ANKRD33B: variants seen among roughly 807,000 people sequenced by gnomAD.
ANKRD33B encodes ankyrin repeat domain-containing protein 33B.
In ANKRD33B, 6 loss-of-function variants were observed where a neutral mutation model predicts 21.5. The ratio of observed to expected loss-of-function variants is 0.28; its 90% confidence interval spans 0.15 to 0.55. The LOEUF (loss-of-function observed/expected upper bound fraction) is 0.55, where lower values mean the gene tolerates loss of function less well. Ranked by LOEUF, ANKRD33B falls within the 20% of genes least tolerant of loss-of-function variation. The probability of loss-of-function intolerance (pLI) is 0.94; values close to 1 mark genes in which losing one functional copy is unlikely to be tolerated. For missense variants in ANKRD33B, 698 were observed against 747.2 expected (o/e 0.93, Z 0.77); for synonymous variants, 347 against 342.4 (o/e 1.01, Z -0.15).
At chr5:10,645,070 C>T (rs1294327141) in intron 3 of ANKRD33B, among the ~76,000 whole-genome samples, 2 of 152,238 alleles carry the variant, frequency 1.3e-5, no homozygotes, top group Admixed American at 1.3e-4. Context: ...ACTTTGAGCA[C>T]ACTTCCCACC....
chr5:10,649,333 C>A lies in ANKRD33B; in HGVS notation c.705C>A (p.Gly235=). The change falls in exon 4 of 4, where the codon GGC becomes GGA. Residue 235 remains glycine, a synonymous_variant. Transcript: ENST00000296657. The part of the protein sequence containing the change: ...MSPQEWATYT[G]RVDAVRLMQR... ...CGCAGGAGTGGGCCACTTACACGGG[C>A]CGCGTGGATGCCGTCCGTCTCATGC... 1 of 1,534,820 alleles carries A rather than the reference C, an allele frequency of 6.5e-7. No homozygotes were observed. The highest frequency in any genetic ancestry group is 8.7e-7 in the Non-Finnish European group (1 of 1,146,596).
At chr5:10,637,589 C>A (rs1392104385) in intron 2 of ANKRD33B, among the ~76,000 whole-genome samples, 2 of 152,098 alleles carry the variant, frequency 1.3e-5, no homozygotes, top group East Asian at 3.9e-4. Flanking sequence ...TTCCTCCCTG[C>A]AGCTCTGGAG....
At chr5:10,624,130 C>CTTTT (rs60575071) in intron 2 of ANKRD33B, among the ~76,000 whole-genome samples, 6 of 134,310 alleles carry the variant, frequency 4.5e-5, no homozygotes, top group Non-Finnish European at 6.4e-5. Flanking sequence ...TCTTTCTTTT[C>CTTTT]TTTTTTTTTT....
At chr5:10,566,322 T>C (rs1393845499) in intron 1 of ANKRD33B, among the ~76,000 whole-genome samples, 1 of 152,192 alleles carries the variant, frequency 6.6e-6, no homozygotes, top group Admixed American at 6.5e-5. Flanking sequence ...GATTAGGGCT[T>C]GGAGCTCCAC....
chr5:10,580,722 C>A (rs973957708), intron 1 of ANKRD33B, among the ~76,000 whole-genome samples: 1 of 151,844 alleles, frequency 6.6e-6, no homozygotes, highest in Non-Finnish European at 1.5e-5. Flanking sequence ...GGGAGGGACT[C>A]GGGAGTGGAG....
chr5:10,647,869 C>T (rs959944861), intron 3 of ANKRD33B, among the ~76,000 whole-genome samples: 2 of 152,224 alleles, frequency 1.3e-5, no homozygotes, highest in African/African-American at 4.8e-5. Context: ...ATCTCCTTGA[C>T]TTAGAGTCAA....
chr5:10,618,920 T>C (rs1351153949), intron 2 of ANKRD33B, among the ~76,000 whole-genome samples: 1 of 152,168 alleles, frequency 6.6e-6, no homozygotes, highest in Non-Finnish European at 1.5e-5. Context: ...TTCTGAGAGC[T>C]GTTAGAGTAT....
chr5:10,641,914 C>G (rs1737072044), intron 3 of ANKRD33B, among the ~76,000 whole-genome samples: 2 of 152,186 alleles, frequency 1.3e-5, no homozygotes, highest in Non-Finnish European at 2.9e-5. Flanking sequence ...TCGGCCCTGC[C>G]TGCCCTCATC....
At chr5:10,590,589 TGCGC>T (rs34685376) in intron 1 of ANKRD33B, among the ~76,000 whole-genome samples, 2,667 of 150,406 alleles carry the variant, frequency 0.018, 45 homozygotes, top group African/African-American at 0.042. Context: ...TATTTTGAGA[TGCGC>T]GCGCGCGCGC....
chr5:10,623,601 A>G (rs1366877499), intron 2 of ANKRD33B, among the ~76,000 whole-genome samples: 4 of 152,232 alleles, frequency 2.6e-5, no homozygotes, highest in African/African-American at 7.2e-5. Context: ...ATTTCGGAGG[A>G]CAGAAACATT....
chr5:10,627,864 C>T (rs2126590783), intron 2 of ANKRD33B: 1 of 152,378 alleles, frequency 6.6e-6, no homozygotes, highest in Non-Finnish European at 1.5e-5. Context: ...ACACCCCTGC[C>T]CGCTGGCCAG....
chr5:10,583,453 A>C (rs1393254009), intron 1 of ANKRD33B, among the ~76,000 whole-genome samples: 1 of 152,246 alleles, frequency 6.6e-6, no homozygotes, highest in East Asian at 1.9e-4. Flanking sequence ...GTGCATGGCA[A>C]GGTGCTGAGT....
intron 1 of ANKRD33B, among the ~76,000 whole-genome samples, chr5:10,615,205 A>G (rs368202694): frequency 6.6e-6 from 1 of 152,226 alleles, no homozygotes; most frequent in South Asian, 2.1e-4. Context: ...CAGGTTGGAT[A>G]TCAGGGTTGG....
chr5:10,615,612 A>G (rs1020166284), intron 1 of ANKRD33B, among the ~76,000 whole-genome samples: 3 of 152,166 alleles, frequency 2.0e-5, no homozygotes, highest in African/African-American at 7.2e-5. Flanking sequence ...TTGAAGAAAA[A>G]TGTGTGCATA....
chr5:10,646,019 A>C (rs1284111659), intron 3 of ANKRD33B, among the ~76,000 whole-genome samples: 1 of 152,220 alleles, frequency 6.6e-6, no homozygotes, highest in Non-Finnish European at 1.5e-5. Context: ...GACAGCCCAC[A>C]CCAAATAATT....
At chr5:10,603,349 G>T (rs1004904098) in intron 1 of ANKRD33B, among the ~76,000 whole-genome samples, 1 of 151,588 alleles carries the variant, frequency 6.6e-6, no homozygotes, top group African/African-American at 2.4e-5. Context: ...TGCAACCTAC[G>T]CCTCCCAGGT....
chr5:10,613,261 A>G (rs1736211496), intron 1 of ANKRD33B, among the ~76,000 whole-genome samples: 1 of 149,760 alleles, frequency 6.7e-6, no homozygotes, highest in Admixed American at 6.8e-5. Context: ...TGGTTATTGT[A>G]AAACTATTTC....
Position 10,649,689 on chromosome 5 carries a change from C to G in ANKRD33B, c.1061C>G (p.Pro354Arg), listed in dbSNP as rs904277765. 1 of 1,522,492 alleles carries G rather than the reference C, an allele frequency of 6.6e-7. No homozygotes were observed. The highest frequency in any genetic ancestry group is 8.8e-7 in the Non-Finnish European group (1 of 1,139,942). The allele number at this position is 1,522,492 out of a possible 1,614,324, so 94.3% of individuals were successfully genotyped here. Residue 354 changes from proline to arginine, a missense_variant, in exon 4 of 4, where the codon CCC becomes CGC. By Grantham distance (103) the Pro-to-Arg change is moderately radical (BLOSUM62 -2). Around this residue, in one of 3 missense-constraint regions of ANKRD33B, gnomAD observed 543 missense variants for 566.5 expected, o/e 0.96. Transcript: ENST00000296657. The part of the protein sequence containing the change: ...EILAARAARG[P>R]QAQEEDEVGG... ...CTGGCGGCGCGGGCTGCACGGGGCC[C>G]CCAGGCGCAGGAGGAGGATGAGGTG...
At chr5:10,623,316 A>G (rs1301614442) in intron 2 of ANKRD33B, among the ~76,000 whole-genome samples, 2 of 152,062 alleles carry the variant, frequency 1.3e-5, no homozygotes, top group Non-Finnish European at 2.9e-5. Flanking sequence ...CATCCTCCTC[A>G]TCAACAGAGG....
Sources: gnomAD v4.1 joint callset for allele counts (sites outside exome capture counted in the v4.1 genomes callset) on GRCh38, gnomAD v4.1.1 for gene constraint, gnomAD v4.1.1 regional missense constraint, MANE v1.5 for transcripts, NCBI Gene and HGNC (gene_info 2026-07-23, HGNC 2026-07-21) for gene names.